PDE9A: variants seen among roughly 807,000 people sequenced by gnomAD.
PDE9A encodes phosphodiesterase 9A.
A neutral mutation model predicts 87.4 loss-of-function variants in PDE9A; 60 were observed. The observed-to-expected ratio is 0.69, with a 90% confidence interval of 0.56 to 0.85. The LOEUF is 0.85. Ranked by LOEUF, PDE9A falls within the 40% of genes least tolerant of loss-of-function variation. The pLI is 0.00. For synonymous variants in PDE9A, 272 were observed against 279.4 expected, an observed-to-expected ratio of 0.97 and a Z score of 0.27; for missense variants, 665 against 779.0, an observed-to-expected ratio of 0.85 and a Z score of 1.74.
At chr21:42,707,577 C>T (rs2048945940) in intron 4 of PDE9A, among the ~76,000 whole-genome samples, 1 of 152,136 alleles carries the variant, frequency 6.6e-6, no homozygotes, top group Non-Finnish European at 1.5e-5. Flanking sequence ...CTCAATCCCC[C>T]ACTCCCTCCC....
chr21:42,769,818 G>C (rs1262505872), intron 17 of PDE9A, among the ~76,000 whole-genome samples: 1 of 151,814 alleles, frequency 6.6e-6, no homozygotes, highest in African/African-American at 2.4e-5. Flanking sequence ...ATCCTGAGCA[G>C]CCTCTTCCCC....
chr21:42,773,334 T>G (rs2057193865), intron 19 of PDE9A, among the ~76,000 whole-genome samples: 1 of 151,538 alleles, frequency 6.6e-6, no homozygotes, highest in Admixed American at 6.6e-5. Flanking sequence ...ACATCAATAA[T>G]TAGCATATGT....
At chr21:42,668,441 G>T (rs181645782) in intron 1 of PDE9A, among the ~76,000 whole-genome samples, 3 of 152,330 alleles carry the variant, frequency 2.0e-5, no homozygotes, top group African/African-American at 7.2e-5. Context: ...GAGTTGCTTC[G>T]AGCTTGAACC....
rs377416293 is a variant in PDE9A at position 42,759,590 on chromosome 21, G to T, written c.897+505G>T. Among the ~76,000 whole-genome samples the T allele has an allele frequency of 3.3e-5, 5 of 151,030 alleles. No individual in the cohort carries two copies. Among genetic ancestry groups the T allele is most frequent in the East Asian group, 2.0e-4 (1 of 5,110 alleles). ...ATGGGGGTATCTGAGTTTACGGGTG[G>T]GTGTGTGTGAATGTGTGGTGGGAGT... is the stretch of plus-strand genomic sequence containing the variant. On this transcript the variant is annotated intron_variant, in intron 11 of 19. Transcript: ENST00000291539. This position sits in a 1 kb window ranked among gnomAD's most constrained non-coding sequence, Gnocchi z 7.2.
intron 19 of PDE9A, among the ~76,000 whole-genome samples, chr21:42,774,034 G>A (rs1272322215): frequency 3.3e-5 from 5 of 151,988 alleles, no homozygotes; most frequent in South Asian, 2.1e-4. Flanking sequence ...AGCCAAGATC[G>A]TGCCACTGCA....
At position 42,699,028 on chromosome 21, in the gene PDE9A, G is replaced by GT; in HGVS notation, c.262+23dup. On this transcript the variant is annotated intron_variant, in intron 4 of 19. Transcript: ENST00000291539. ...AACTCTCCGGTAAGGCCCTGCTGTC[G>GT]TTTTTTAAACTAAAAGAAGGAAAAA... The GT allele has an allele frequency of 1.3e-6, 2 of 1,585,624 alleles. No individual in the cohort carries two copies. Among genetic ancestry groups the GT allele is most frequent in the Non-Finnish European group, 1.7e-6 (2 of 1,154,408 alleles).
chr21:42,718,753 C>A (rs993164764), intron 4 of PDE9A, among the ~76,000 whole-genome samples: 2 of 151,796 alleles, frequency 1.3e-5, no homozygotes, highest in African/African-American at 4.8e-5. Flanking sequence ...GGCATCTGAG[C>A]CGGCAAGCGT....
At chr21:42,700,543 G>T (rs538741569) in intron 4 of PDE9A, among the ~76,000 whole-genome samples, 2 of 152,158 alleles carry the variant, frequency 1.3e-5, no homozygotes, top group East Asian at 3.8e-4. Flanking sequence ...GAAGGAATAC[G>T]TGGGGCGCAT....
rs1413011851 is a variant in PDE9A at position 42,705,026 on chromosome 21, T to C, written c.262+6015T>C. On this transcript the variant is annotated intron_variant, in intron 4 of 19. Coordinates refer to ENST00000291539, the MANE Select transcript of PDE9A (RefSeq NM_002606.3). This position sits in a 1 kb window ranked among gnomAD's most constrained non-coding sequence, Gnocchi z 4.3. Reference sequence around the variant, plus strand: ...CCCTGGCCTGGGTCCACAACCCCAGTGTGAGCTGCAGAGACTTCTCTGGAG... The same window carrying C: ...CCCTGGCCTGGGTCCACAACCCCAGCGTGAGCTGCAGAGACTTCTCTGGAG... Among the ~76,000 whole-genome samples the C allele has an allele frequency of 1.3e-5, 2 of 152,196 alleles. No individual in the cohort carries two copies. The highest frequency in any genetic ancestry group is 2.9e-5 in the Non-Finnish European group (2 of 68,020).
rs1226382596 is a variant in PDE9A at position 42,675,577 on chromosome 21, AGCGCT to A, written c.70-10613_70-10609del. Among the ~76,000 whole-genome samples, 1 of 152,252 alleles carries A rather than the reference AGCGCT, an allele frequency of 6.6e-6. No individual in the cohort carries two copies. Among genetic ancestry groups the A allele is most frequent in the Non-Finnish European group, 1.5e-5 (1 of 68,048 alleles). Reference sequence around the variant, plus strand: ...AAATACCGCCAACCTGCTTTCCGACAGCGCTGTGTGGATACACGGGCCCGAACGGC... The same window carrying A: ...AAATACCGCCAACCTGCTTTCCGACAGTGTGGATACACGGGCCCGAACGGC... On this transcript the variant is annotated intron_variant, in intron 1 of 19. Coordinates refer to ENST00000291539, the MANE Select transcript of PDE9A (RefSeq NM_002606.3). The surrounding 1 kb of genome is among the most constrained non-coding windows in gnomAD (Gnocchi z 4.3).
Position 42,660,877 on chromosome 21 carries a change from C to T in PDE9A, c.69+6994C>T, listed in dbSNP as rs73905720. On this transcript the variant is annotated intron_variant, in intron 1 of 19. Coordinates refer to ENST00000291539, the MANE Select transcript of PDE9A (RefSeq NM_002606.3). The surrounding 1 kb of genome is among the most constrained non-coding windows in gnomAD (Gnocchi z 4.7). The stretch of plus-strand genomic sequence containing the variant: ...CCCATCCCTGACTGCCTGTCTCCCC[C>T]CTCACCCTGACCACATCTCCCCAAA... 1.3e-5 allele frequency among the ~76,000 whole-genome samples: 2 copies of T among 152,076 alleles called. No individual in the cohort carries two copies. Among genetic ancestry groups the T allele is most frequent in the Non-Finnish European group, 2.9e-5 (2 of 68,022 alleles).
chr21:42,775,256 C>G, intron 19 of PDE9A, 24 bp from the exon 20 acceptor site: 4 of 1,611,620 alleles, frequency 2.5e-6, no homozygotes, highest in Non-Finnish European at 3.4e-6. Context: ...AAAAACAAAT[C>G]AGTCATCGTT....
Position 42,775,268 on chromosome 21 carries a change from C to T in PDE9A, c.1769-12C>T, listed in dbSNP as rs1267434165. ...AACAAAAACAAATCAGTCATCGTTT[C>T]CCTTCTTCCAGGAGACTGTGCCTGA... On this transcript the variant is annotated splice_polypyrimidine_tract_variant and intron_variant, in intron 19 of 19. Transcript: ENST00000291539. 1 of 1,612,184 alleles carries T rather than the reference C, an allele frequency of 6.2e-7. No homozygotes were observed. Among genetic ancestry groups the T allele is most frequent in the South Asian group, 1.1e-5 (1 of 90,522 alleles).
chr21:42,772,420 T>A lies in PDE9A; in HGVS notation c.1687-19T>A, dbSNP rs760162888. On this transcript the variant is annotated intron_variant, in intron 18 of 19. Transcript: ENST00000291539. ...TGTCTCCTGCTCCCTGACTTGGCCT[T>A]CTCTGTACTCTGTTCCAGTTACAGA... 5 of 1,576,826 alleles carry A rather than the reference T, an allele frequency of 3.2e-6. No homozygotes were observed. The East Asian group carries it at 1.1e-4, about 35-fold the overall frequency.
chr21:42,755,334 A>G (rs2054916479), intron 10 of PDE9A, among the ~76,000 whole-genome samples: 1 of 152,196 alleles, frequency 6.6e-6, no homozygotes, highest in Non-Finnish European at 1.5e-5. Context: ...TTTCATGTGC[A>G]TGGTCTCCCA....
At chr21:42,726,057 C>A (rs2050998597) in intron 4 of PDE9A, among the ~76,000 whole-genome samples, 1 of 152,162 alleles carries the variant, frequency 6.6e-6, no homozygotes, top group South Asian at 2.1e-4. Context: ...CTGGCATTTC[C>A]TAATGGCCGA....
intron 8 of PDE9A, among the ~76,000 whole-genome samples, chr21:42,746,898 G>A (rs1450110335): frequency 1.3e-5 from 2 of 152,200 alleles, no homozygotes; most frequent in Non-Finnish European, 2.9e-5. Context: ...ACTTCCTGGT[G>A]CCCCGTCAGC....
chr21:42,725,432 T>C lies in PDE9A; in HGVS notation c.263-6338T>C, dbSNP rs911765765. On this transcript the variant is annotated intron_variant, in intron 4 of 19. Transcript: ENST00000291539. ...TTTTGTATTTTCAGTACAGACGGGGTTTCTCCATGTTGGTCAGGCTGGTCT... is the reference window on the plus strand; with the variant it reads ...TTTTGTATTTTCAGTACAGACGGGGCTTCTCCATGTTGGTCAGGCTGGTCT... Among the ~76,000 whole-genome samples the C allele has an allele frequency of 2.6e-5, 4 of 152,082 alleles. No homozygotes were observed. The East Asian group carries it at 7.7e-4, about 29-fold the overall frequency.
chr21:42,761,526 A>G (rs967404633), intron 13 of PDE9A, among the ~76,000 whole-genome samples: 3 of 152,194 alleles, frequency 2.0e-5, no homozygotes, highest in Non-Finnish European at 4.4e-5. Flanking sequence ...GTGGCGCAGC[A>G]GCTCTCTCTG....
Sources: gnomAD v4.1 joint callset for allele counts (sites outside exome capture counted in the v4.1 genomes callset) on GRCh38, gnomAD v4.1.1 for gene constraint, Gnocchi (gnomAD v3.1) non-coding constraint, MANE v1.5 for transcripts, NCBI Gene and HGNC (gene_info 2026-07-23, HGNC 2026-07-21) for gene names.